Variants in KCNQ5 observed in about 807,000 individuals in gnomAD.
The protein encoded by KCNQ5 is potassium voltage-gated channel subfamily KQT member 5.
Under a neutral mutation model 98.2 loss-of-function variants are expected in KCNQ5, and 30 were observed. That is an observed-to-expected ratio of 0.31 (90% CI 0.23 to 0.41). The LOEUF (loss-of-function observed/expected upper bound fraction) is 0.41. Among genes scored for constraint, KCNQ5 ranks in the 10% least tolerant of loss-of-function variants. The pLI is 1.00. For missense variants in KCNQ5, 835 were observed against 1,182.5 expected, an observed-to-expected ratio of 0.71 and a Z score of 4.31; for synonymous variants, 458 against 449.4, an observed-to-expected ratio of 1.02 and a Z score of -0.24.
chr6:73,097,295 A>G (rs555630616), intron 5 of KCNQ5, among the ~76,000 whole-genome samples: 41 of 150,832 alleles, frequency 2.7e-4, no homozygotes, highest in African/African-American at 9.9e-4. Flanking sequence ...ATTGTTTCAG[A>G]TTCCCCATGT....
At position 72,911,159 on chromosome 6, in the gene KCNQ5, G is replaced by A. The variant is rs540642732; in HGVS notation, c.399-92749G>A. Among the ~76,000 whole-genome samples the A allele has an allele frequency of 4.6e-5, 7 of 152,278 alleles. No individual in the cohort carries two copies. In the East Asian group the frequency reaches 1.2e-3, roughly 25 times the overall value. ...AAGAATCCTCCTGGCTTAAATGTAC[G>A]GAATGGAGAAAGAGTGGTGCAAAGG... On this transcript the variant is annotated intron_variant, in intron 1 of 13. Transcript: ENST00000370398.
intron 10 of KCNQ5, among the ~76,000 whole-genome samples, chr6:73,142,860 G>A (rs570626973): frequency 1.3e-5 from 2 of 152,256 alleles, no homozygotes; most frequent in South Asian, 4.1e-4. Flanking sequence ...AGGTTGCAGT[G>A]AGCTGAGATT....
intron 1 of KCNQ5, among the ~76,000 whole-genome samples, chr6:72,665,475 C>A (rs1172925758): frequency 6.6e-6 from 1 of 152,030 alleles, no homozygotes; most frequent in Non-Finnish European, 1.5e-5. Context: ...CCAAGATTTG[C>A]CAAGAATTTC....
At chr6:73,041,208 A>G (rs151229149) in intron 2 of KCNQ5, among the ~76,000 whole-genome samples, 1 of 152,142 alleles carries the variant, frequency 6.6e-6, no homozygotes, top group Non-Finnish European at 1.5e-5. Context: ...TTAATGAGCC[A>G]CTCTAGCTGG....
At chr6:72,842,610 A>G (rs1776845552) in intron 1 of KCNQ5, among the ~76,000 whole-genome samples, 1 of 152,148 alleles carries the variant, frequency 6.6e-6, no homozygotes. Flanking sequence ...CAACAGTGTA[A>G]AAGTGTTTCT....
chr6:72,859,143 A>G (rs1777652575), intron 1 of KCNQ5, among the ~76,000 whole-genome samples: 1 of 152,184 alleles, frequency 6.6e-6, no homozygotes, highest in African/African-American at 2.4e-5. Context: ...CAAAAACTCC[A>G]AGGCTCTCTG....
chr6:73,080,877 T>C (rs1773736040), intron 5 of KCNQ5, among the ~76,000 whole-genome samples: 1 of 152,190 alleles, frequency 6.6e-6, no homozygotes, highest in African/African-American at 2.4e-5. Context: ...ATCTGTCCCC[T>C]AGATCAACAT....
rs1453970510 is a variant in KCNQ5 at position 73,197,667 on chromosome 6, AC to A, written c.*2255del. 1 of 148,790 alleles carries A rather than the reference AC, an allele frequency of 6.7e-6. No homozygotes were observed. The highest frequency in any genetic ancestry group is 1.5e-5 in the Non-Finnish European group (1 of 67,950). The allele number at this position is 148,790 out of a possible 1,614,324, so 9.2% of individuals were successfully genotyped here. The stretch of plus-strand genomic sequence containing the variant: ...CCCCTCCACTGACCTAAAGCCAGAC[AC>A]CTGCCGTGACTGGGCAGGCTCTCTC... On this transcript the variant is annotated 3_prime_UTR_variant, in exon 14 of 14. Coordinates refer to ENST00000370398, the MANE Select transcript of KCNQ5 (RefSeq NM_019842.4).
chr6:73,097,322 A>G (rs1774554569), intron 5 of KCNQ5, among the ~76,000 whole-genome samples: 1 of 151,770 alleles, frequency 6.6e-6, no homozygotes, highest in African/African-American at 2.4e-5. Flanking sequence ...AACATGCAGT[A>G]TTTACCTTTC....
At chr6:72,724,769 G>A (rs1278073718) in intron 1 of KCNQ5, among the ~76,000 whole-genome samples, 4 of 152,144 alleles carry the variant, frequency 2.6e-5, no homozygotes, top group Admixed American at 2.0e-4. Context: ...TAGACTTGAC[G>A]ACCTGTGGTT....
At chr6:72,741,664 A>G (rs1051590992) in intron 1 of KCNQ5, among the ~76,000 whole-genome samples, 1 of 152,176 alleles carries the variant, frequency 6.6e-6, no homozygotes, top group Non-Finnish European at 1.5e-5. Context: ...AGATGATGTT[A>G]TTGTGGCCTT....
chr6:73,185,818 A>G (rs16883476), intron 11 of KCNQ5, among the ~76,000 whole-genome samples: 34,069 of 152,200 alleles, frequency 0.22, 4,038 homozygotes, highest in Middle Eastern at 0.41. Flanking sequence ...AGCCTATAGC[A>G]GTGGAGATGC....
intron 1 of KCNQ5, among the ~76,000 whole-genome samples, chr6:72,872,140 A>G (rs563987044): frequency 4.6e-5 from 7 of 152,332 alleles, no homozygotes; most frequent in African/African-American, 1.4e-4. Context: ...AGCTTTATCC[A>G]AACATGTTCA....
chr6:72,816,054 C>A (rs1775495690), intron 1 of KCNQ5, among the ~76,000 whole-genome samples: 1 of 151,584 alleles, frequency 6.6e-6, no homozygotes, highest in African/African-American at 2.4e-5. Context: ...CCCCCACTTG[C>A]AGAGCAAGAG....
intron 1 of KCNQ5, among the ~76,000 whole-genome samples, chr6:72,641,278 A>C (rs1334895500): frequency 6.6e-6 from 1 of 152,152 alleles, no homozygotes; most frequent in African/African-American, 2.4e-5. Context: ...TAAATGTTAC[A>C]TGAGGAATCC....
intron 1 of KCNQ5, among the ~76,000 whole-genome samples, chr6:72,656,025 G>A (rs1349081205): frequency 6.6e-6 from 1 of 152,076 alleles, no homozygotes; most frequent in Non-Finnish European, 1.5e-5. Flanking sequence ...ATTTCCATTT[G>A]CCCTCAGATA....
At chr6:72,911,149 T>C (rs1204849471) in intron 1 of KCNQ5, among the ~76,000 whole-genome samples, 1 of 152,188 alleles carries the variant, frequency 6.6e-6, no homozygotes, top group African/African-American at 2.4e-5. Context: ...TCCTCCTGGC[T>C]TAAATGTACG....
chr6:73,027,727 T>C (rs1562134999), intron 2 of KCNQ5, among the ~76,000 whole-genome samples: 1 of 152,212 alleles, frequency 6.6e-6, no homozygotes, highest in Admixed American at 6.5e-5. Context: ...TATCCTCTTT[T>C]AATAAATAAT....
chr6:73,109,086 GA>G lies in KCNQ5; in HGVS notation c.1030-2215del, dbSNP rs565303953. Among the ~76,000 whole-genome samples the G allele has an allele frequency of 2.0e-5, 3 of 152,214 alleles. No individual in the cohort carries two copies. The South Asian group carries it at 6.2e-4, about 32-fold the overall frequency. On this transcript the variant is annotated intron_variant, in intron 6 of 13. Transcript: ENST00000370398. ...CAAGCTGTGTACTAAGAGAGAGGTGGAAAAAAATTGGAAAGGAGCCATGATG... is the reference window on the plus strand; with the variant it reads ...CAAGCTGTGTACTAAGAGAGAGGTGGAAAAAATTGGAAAGGAGCCATGATG...
Sources: allele counts gnomAD v4.1 joint callset (sites outside exome capture counted in the v4.1 genomes callset), GRCh38; gene constraint gnomAD v4.1.1; transcripts MANE v1.5; gene names NCBI Gene and HGNC (gene_info 2026-07-23, HGNC 2026-07-21).